Variants in MCL1 observed in about 807,000 individuals in gnomAD.
MCL1 encodes the protein induced myeloid leukemia cell differentiation protein Mcl-1.
Under a neutral mutation model 24.2 loss-of-function variants are expected in MCL1, and 4 were observed. The observed-to-expected ratio is 0.17, with a 90% confidence interval of 0.08 to 0.38. The LOEUF is 0.38. MCL1 is among the 10% of genes least tolerant of loss of function. The pLI is 1.00. For synonymous variants in MCL1, 248 were observed against 214.0 expected, an observed-to-expected ratio of 1.16 and a Z score of -1.39; for missense variants, 529 against 480.3, an observed-to-expected ratio of 1.10 and a Z score of -0.95.
intron 2 of MCL1, 110 bp from the exon 3 acceptor site, chr1:150,577,601 C>T: frequency 8.6e-7 from 1 of 1,161,916 alleles, no homozygotes; most frequent in Non-Finnish European, 1.2e-6. Context: ...CCCCCTAAAG[C>T]AATAGTAAAC....
Position 150,579,231 on chromosome 1 carries a change from C to T in MCL1, c.300G>A (p.Ala100=), listed in dbSNP as rs1447572190. The T allele has an allele frequency of 6.4e-7, 1 of 1,558,004 alleles. No homozygotes were observed. Among genetic ancestry groups the T allele is most frequent in the African/African-American group, 1.4e-5 (1 of 72,950 alleles). The change falls in exon 1 of 3, where the codon GCG becomes GCA. Residue 100 remains alanine, a synonymous_variant. Transcript: ENST00000369026. ...CAAGCGGCGCCGCGCGGCGGGTGGGCGCGAAGAAAAGCAGCCTCGCGGGGG... is the reference window on the plus strand; with the variant it reads ...CAAGCGGCGCCGCGCGGCGGGTGGGTGCGAAGAAAAGCAGCCTCGCGGGGG... ...TATPARLLFF[A]PTRRAAPLEE...
rs1018040703 is a variant in MCL1 at position 150,577,084 on chromosome 1, C to T, written c.*291G>A. ...TCTCAACAAGGAAATTAAGTCTTTC[C>T]ACCCTACCATCTTCACTAAATCTAA... On this transcript the variant is annotated 3_prime_UTR_variant, in exon 3 of 3. Coordinates refer to ENST00000369026, the MANE Select transcript of MCL1 (RefSeq NM_021960.5). 6.4e-6 allele frequency: 2 copies of T among 310,986 alleles called. No homozygotes were observed. The highest frequency in any genetic ancestry group is 1.2e-5 in the Non-Finnish European group (2 of 164,328). The allele number at this position is 310,986 out of a possible 1,614,324, so 19.3% of individuals were successfully genotyped here.
At position 150,575,700 on chromosome 1, in the gene MCL1, G is replaced by A. The variant is rs1202649957; in HGVS notation, c.*1675C>T. 6 of 233,054 alleles carry A rather than the reference G, an allele frequency of 2.6e-5. No homozygotes were observed. In the Admixed American group the frequency reaches 2.8e-4, roughly 11 times the overall value. 14.4% of individuals were successfully genotyped at this position (233,054 alleles called of 1,614,324 possible). A position where few individuals can be genotyped will look rare whatever the true frequency, so the allele number is the denominator to read the frequency against. On this transcript the variant is annotated 3_prime_UTR_variant, in exon 3 of 3. Transcript: ENST00000369026. ...CAAGTTCGTGAAAGATGAAAGGTCT[G>A]TGGACTCTTGGTGGGGAGGGAGGGT...
At position 150,578,457 on chromosome 1, in the gene MCL1, G is replaced by T. The variant is rs1182227353; in HGVS notation, c.723C>A (p.Asp241Glu). Residue 241 changes from aspartate (D) to glutamate (E), a missense_variant, in exon 2 of 3, where the codon GAC (aspartate) becomes GAA (glutamate). Asp to Glu is a conservative substitution (Grantham distance 45, BLOSUM62 2). Transcript: ENST00000369026. The stretch of plus-strand genomic sequence containing the variant: ...TCACTCGAGACAACGATTTCACATC[G>T]TCTTCGTTTTTGATGTCCAGTTTCC... ...MLRKLDIKNE[D>E]DVKSLSRVMI... 1.2e-6 allele frequency: 2 copies of T among 1,614,042 alleles called. No individual in the cohort carries two copies. Among genetic ancestry groups the T allele is most frequent in the African/African-American group, 2.7e-5 (2 of 74,930 alleles).
rs1647733997 is a variant in MCL1 at position 150,575,097 on chromosome 1, T to C, written c.*2278A>G. On this transcript the variant is annotated 3_prime_UTR_variant, in exon 3 of 3. Coordinates refer to ENST00000369026, the MANE Select transcript of MCL1 (RefSeq NM_021960.5). ...TTCCACTGGATTTGGCAGACAGGCT[T>C]TTTTAGTTACCGTAACCAGATCTTA... 4.3e-6 allele frequency: 1 copy of C among 233,480 alleles called. No individual in the cohort carries two copies. The highest frequency in any genetic ancestry group is 6.0e-5 in the East Asian group (1 of 16,564). The allele number at this position is 233,480 out of a possible 1,614,324, so 14.5% of individuals were successfully genotyped here. A position where few individuals can be genotyped will look rare whatever the true frequency, so the allele number is the denominator to read the frequency against.
chr1:150,574,648 G>A lies in MCL1; in HGVS notation c.*2727C>T, dbSNP rs1647707944. On this transcript the variant is annotated 3_prime_UTR_variant, in exon 3 of 3. Coordinates refer to ENST00000369026, the MANE Select transcript of MCL1 (RefSeq NM_021960.5). ...GACAACCAACATTAATTTGTAGTTG[G>A]TCCTAACCCTTCCTGGCACAGCTAT... 4.3e-6 allele frequency: 1 copy of A among 232,844 alleles called. No individual in the cohort carries two copies. Among genetic ancestry groups the A allele is most frequent in the African/African-American group, 2.2e-5 (1 of 45,258 alleles). The allele number at this position is 232,844 out of a possible 1,614,324, so 14.4% of individuals were successfully genotyped here.
chr1:150,578,757 C>A, intron 1 of MCL1, 86 bp downstream of exon 1: 1 of 1,431,186 alleles, frequency 7.0e-7, no homozygotes, highest in Non-Finnish European at 9.5e-7. Flanking sequence ...TGACTCGTTT[C>A]GGTTTCCAAC....
chr1:150,578,711 C>T, intron 1 of MCL1, 132 bp downstream of exon 1: 1 of 1,108,632 alleles, frequency 9.0e-7, no homozygotes, highest in Non-Finnish European at 1.3e-6. Context: ...CCAGAATATT[C>T]TGGCTTCAGG....
In MCL1 at chr1:150,575,266, G is replaced by A. The variant is rs1380405568; in HGVS notation, c.*2109C>T. Reference sequence around the variant, plus strand: ...CTTATGGCTCTGAGATGGGCAGGCAGGGCAGTTCTTCCCCATTACATTCTT... The same window carrying A: ...CTTATGGCTCTGAGATGGGCAGGCAAGGCAGTTCTTCCCCATTACATTCTT... On this transcript the variant is annotated 3_prime_UTR_variant, in exon 3 of 3. Coordinates refer to ENST00000369026, the MANE Select transcript of MCL1 (RefSeq NM_021960.5). 3 of 233,304 alleles carry A rather than the reference G, an allele frequency of 1.3e-5. No individual in the cohort carries two copies. Among genetic ancestry groups the A allele is most frequent in the Non-Finnish European group, 8.5e-6 (1 of 117,940 alleles). 14.5% of individuals were successfully genotyped at this position (233,304 alleles called of 1,614,324 possible). A position where few individuals can be genotyped will look rare whatever the true frequency, so the allele number is the denominator to read the frequency against.
chr1:150,577,004 G>T lies in MCL1; in HGVS notation c.*371C>A. ...TCTCTTAACACTACAGTAAATTAATGAATTCGGCGGGTAATCAATTCTATG... is the reference window on the plus strand; with the variant it reads ...TCTCTTAACACTACAGTAAATTAATTAATTCGGCGGGTAATCAATTCTATG... On this transcript the variant is annotated 3_prime_UTR_variant, in exon 3 of 3. Coordinates refer to ENST00000369026, the MANE Select transcript of MCL1 (RefSeq NM_021960.5). 3.5e-6 allele frequency: 1 copy of T among 287,774 alleles called. No individual in the cohort carries two copies. The highest frequency in any genetic ancestry group is 6.7e-6 in the Non-Finnish European group (1 of 148,836). The allele number at this position is 287,774 out of a possible 1,614,324, so 17.8% of individuals were successfully genotyped here.
chr1:150,576,056 T>C lies in MCL1; in HGVS notation c.*1319A>G, dbSNP rs938980567. On this transcript the variant is annotated 3_prime_UTR_variant, in exon 3 of 3. Transcript: ENST00000369026. ...CCTAATAATAGCACCATGGTTAGAC[T>C]AGCCTGCTTTTCCAAGCCATCATTT... 3.0e-5 allele frequency: 7 copies of C among 233,510 alleles called. No individual in the cohort carries two copies. The highest frequency in any genetic ancestry group is 2.5e-3 in the Middle Eastern group (2 of 808). The allele number at this position is 233,510 out of a possible 1,614,324, so 14.5% of individuals were successfully genotyped here.
rs1647843529 is a variant in MCL1, at chr1:150,577,176, G to C, written c.*199C>G. On this transcript the variant is annotated 3_prime_UTR_variant, in exon 3 of 3. Transcript: ENST00000369026. ...CTGAAACTGAACTTTGCTTCTTTCA[G>C]ACAGTGACTCTTCAATCAATGGGGA... 6 of 599,626 alleles carry C rather than the reference G, an allele frequency of 1.0e-5. No homozygotes were observed. Among genetic ancestry groups the C allele is most frequent in the African/African-American group, 7.5e-5 (4 of 53,612 alleles). 37.1% of individuals were successfully genotyped at this position (599,626 alleles called of 1,614,324 possible).
rs1240715596 is a variant in MCL1, at chr1:150,579,058, C to T, written c.473G>A (p.Gly158Glu). Residue 158 changes from glycine to glutamate, a missense_variant, in exon 1 of 3, where the codon GGG becomes GAG. By Grantham distance (98) the Gly-to-Glu change is moderately conservative. Transcript: ENST00000369026. ...TGGCGGCGGCGTCGAGGGTAGTGAC[C>T]CGTCCGTACTGGTGTTATTACCAGA... Reference protein sequence around the residue: ...GESGNNTSTDGSLPSTPPPAE... With the variant: ...GESGNNTSTDESLPSTPPPAE... The T allele has an allele frequency of 6.2e-7, 1 of 1,613,284 alleles. No homozygotes were observed. The highest frequency in any genetic ancestry group is 1.1e-5 in the South Asian group (1 of 91,088).
At position 150,578,971 on chromosome 1, in the gene MCL1, C is replaced by A. The variant is rs149195238; in HGVS notation, c.560G>T (p.Arg187Leu). 1 of 1,613,628 alleles carries A rather than the reference C, an allele frequency of 6.2e-7. No individual in the cohort carries two copies. The change falls in exon 1 of 3, where the codon CGG becomes CTG. Residue 187 changes from arginine (R) to leucine (L), a missense_variant. By Grantham distance (102) the Arg-to-Leu change is moderately radical (BLOSUM62 -2). Transcript: ENST00000369026. ...QSLEIISRYL[R>L]EQATGAKDTK... is the part of the protein sequence containing the mutation. Reference sequence around the variant, plus strand: ...GTCCTTGGCGCCGGTGGCCTGCTCCCGAAGGTACCGAGAGATAATCTCCAG... The same window carrying A: ...GTCCTTGGCGCCGGTGGCCTGCTCCAGAAGGTACCGAGAGATAATCTCCAG...
chr1:150,578,780 G>A (rs2737821), intron 1 of MCL1, 63 bp downstream of exon 1: 49,839 of 1,530,094 alleles, frequency 0.033, 999 homozygotes, highest in Non-Finnish European at 0.037. Context: ...ACCCTTGGCG[G>A]GTGAGTCCGG....
Position 150,579,138 on chromosome 1 carries a change from C to G in MCL1, c.393G>C (p.Pro131=). ...SPEEELDGYE[P]EPLGKRPAVL... ...CAGCCGGCCGCTTCCCGAGAGGCTC[C>G]GGCTCGTACCCGTCCAGCTCCTCTT... Residue 131 remains proline (P), a synonymous_variant, in exon 1 of 3, where the codon CCG becomes CCC. Transcript: ENST00000369026. 6.2e-7 allele frequency: 1 copy of G among 1,612,354 alleles called. No individual in the cohort carries two copies. The highest frequency in any genetic ancestry group is 1.1e-5 in the South Asian group (1 of 91,088).
rs1432048153 is a variant in MCL1, at chr1:150,576,137, C to T, written c.*1238G>A. ...TGTCTCTCCATCCACCTGATGTGAT[C>T]TTTTTATATGCACACAGCTAATGAG... On this transcript the variant is annotated 3_prime_UTR_variant, in exon 3 of 3. Transcript: ENST00000369026. 1 of 233,300 alleles carries T rather than the reference C, an allele frequency of 4.3e-6. No individual in the cohort carries two copies. Among genetic ancestry groups the T allele is most frequent in the Non-Finnish European group, 8.5e-6 (1 of 117,932 alleles). 14.5% of individuals were successfully genotyped at this position (233,300 alleles called of 1,614,324 possible).
At position 150,578,426 on chromosome 1, in the gene MCL1, G is replaced by A. The variant is rs2101696171; in HGVS notation, c.754C>T (p.His252Tyr). 6.2e-7 allele frequency: 1 copy of A among 1,614,138 alleles called. No individual in the cohort carries two copies. The highest frequency in any genetic ancestry group is 8.5e-7 in the Non-Finnish European group (1 of 1,180,006). The change falls in exon 2 of 3, where the codon CAT (histidine) becomes TAT (tyrosine). Residue 252 changes from histidine to tyrosine, a missense_variant. Coordinates refer to ENST00000369026, the MANE Select transcript of MCL1 (RefSeq NM_021960.5). ...TTTGTTACGCCGTCGCTGAAAACAT[G>A]GATCATCACTCGAGACAACGATTTC... is the stretch of plus-strand genomic sequence containing the variant. ...DVKSLSRVMI[H>Y]VFSDGVTNWG...
rs1274450430 is a variant in MCL1, at chr1:150,576,352, T to C, written c.*1023A>G. ...GACCTAATTATTGAAAACTTGCATA[T>C]AATGAAGTGAAAGAATTTCCATTCA... On this transcript the variant is annotated 3_prime_UTR_variant, in exon 3 of 3. Transcript: ENST00000369026. 2 of 232,758 alleles carry C rather than the reference T, an allele frequency of 8.6e-6. No homozygotes were observed. The highest frequency in any genetic ancestry group is 1.7e-5 in the Non-Finnish European group (2 of 117,616). The allele number at this position is 232,758 out of a possible 1,614,324, so 14.4% of individuals were successfully genotyped here.
Sources: gnomAD v4.1 joint callset for allele counts on GRCh38, gnomAD v4.1.1 for gene constraint, MANE v1.5 for transcripts, NCBI Gene and HGNC (gene_info 2026-07-23, HGNC 2026-07-21) for gene names.